Variants in CMAS observed in about 807,000 individuals in gnomAD.
CMAS encodes the protein cytidine monophosphate N-acetylneuraminic acid synthetase, also known as N-acylneuraminate cytidylyltransferase.
In CMAS, 21 loss-of-function variants were observed where a neutral mutation model predicts 53.4. The observed-to-expected ratio is 0.39, with a 90% confidence interval of 0.28 to 0.57. The LOEUF is 0.57. Among genes scored for constraint, CMAS ranks in the 20% least tolerant of loss-of-function variants. The pLI, the probability that CMAS is intolerant of heterozygous loss-of-function variation, is 0.56. For missense variants in CMAS, 384 were observed against 534.9 expected, an observed-to-expected ratio of 0.72 and a Z score of 2.78; for synonymous variants, 189 against 195.2, an observed-to-expected ratio of 0.97 and a Z score of 0.27.
At chr12:22,054,143 T>C (rs1950253879) in intron 1 of CMAS, among the ~76,000 whole-genome samples, 1 of 151,888 alleles carries the variant, frequency 6.6e-6, no homozygotes, top group African/African-American at 2.4e-5. Context: ...GCCAGGCTGG[T>C]CTCCATCTCG....
At chr12:22,048,975 G>A (rs1212890238) in intron 1 of CMAS, among the ~76,000 whole-genome samples, 1 of 152,178 alleles carries the variant, frequency 6.6e-6, no homozygotes, top group African/African-American at 2.4e-5. Flanking sequence ...TTCTGGGGCT[G>A]TGAATGCAAT....
chr12:22,046,599 C>T lies in CMAS; in HGVS notation c.260+36C>T, dbSNP rs749532125. ...GCGAGAGTGGGCGGCGCGGCCTGGG[C>T]GGGGGTCGGGAGAGGGAGTCGGGCT... On this transcript the variant is annotated intron_variant, in intron 1 of 7. Coordinates refer to ENST00000229329, the MANE Select transcript of CMAS (RefSeq NM_018686.6). 9 of 1,468,990 alleles carry T rather than the reference C, an allele frequency of 6.1e-6. 1 individual carries two copies. The East Asian group carries it at 1.6e-4, about 27-fold the overall frequency. The allele number at this position is 1,468,990 out of a possible 1,614,324, so 91.0% of individuals were successfully genotyped here. A position where few individuals can be genotyped will look rare whatever the true frequency, so the allele number is the denominator to read the frequency against.
intron 6 of CMAS, 63 bp from the exon 7 acceptor site, chr12:22,062,218 C>A: frequency 2.1e-6 from 3 of 1,428,006 alleles, no homozygotes; most frequent in Non-Finnish European, 2.8e-6. Flanking sequence ...TGAAAGATTT[C>A]TGTTTTCTTC....
chr12:22,065,211 G>A lies in CMAS; in HGVS notation c.1205G>A (p.Gly402Glu), dbSNP rs1366320382. The A allele has an allele frequency of 1.2e-6, 2 of 1,613,928 alleles. No homozygotes were observed. The highest frequency in any genetic ancestry group is 3.3e-5 in the Admixed American group (2 of 59,998). ...TGTTCTACTGCCCAGAAGGCTGTTG[G>A]ATACATTTGCAAATGTAATGGTGGC... ...DACSTAQKAVGYICKCNGGRG... is the reference protein window; with the variant it reads ...DACSTAQKAVEYICKCNGGRG... Residue 402 changes from glycine (G) to glutamate (E), a missense_variant, in exon 8 of 8, where the codon GGA (glycine) becomes GAA (glutamate). This residue lies in a region of CMAS where 134 missense variants were observed against 154.6 expected (regional missense o/e 0.87). Transcript: ENST00000229329.
At chr12:22,059,149 T>TA (rs1491113231) in intron 4 of CMAS, among the ~76,000 whole-genome samples, 15,321 of 91,314 alleles carry the variant, frequency 0.17, 798 homozygotes, top group African/African-American at 0.21. Flanking sequence ...TATATATATA[T>TA]TTTTTTTTTT....
At chr12:22,052,173 T>A (rs529891233) in intron 1 of CMAS, among the ~76,000 whole-genome samples, 3 of 152,242 alleles carry the variant, frequency 2.0e-5, no homozygotes, top group Non-Finnish European at 2.9e-5. Context: ...GCGTAGTTAC[T>A]TAATTGATCC....
rs867041879 is a variant in CMAS, at chr12:22,063,238, T to A, written c.1114+804T>A. Among the ~76,000 whole-genome samples the A allele has an allele frequency of 2.0e-5, 3 of 152,218 alleles. No homozygotes were observed. In the East Asian group the frequency reaches 5.8e-4, roughly 29 times the overall value. ...GAAAGCAGTATTTACAAGGGTAATA[T>A]GAGCCTCAAAATAAGAAGCACAGGA... is the stretch of plus-strand genomic sequence containing the variant. On this transcript the variant is annotated intron_variant, in intron 7 of 7. Coordinates refer to ENST00000229329, the MANE Select transcript of CMAS (RefSeq NM_018686.6).
chr12:22,065,386 T>C lies in CMAS; in HGVS notation c.*75T>C, dbSNP rs1426772124. ...TTGCTTTTATTTTTGATTAAGTAAA[T>C]TCCATGTTGTAATGTTACAGAGAGT... On this transcript the variant is annotated 3_prime_UTR_variant, in exon 8 of 8. Coordinates refer to ENST00000229329, the MANE Select transcript of CMAS (RefSeq NM_018686.6). 3 of 1,147,538 alleles carry C rather than the reference T, an allele frequency of 2.6e-6. No homozygotes were observed. In the African/African-American group the frequency reaches 4.6e-5, roughly 18 times the overall value. The allele number at this position is 1,147,538 out of a possible 1,614,324, so 71.1% of individuals were successfully genotyped here.
chr12:22,063,943 AT>A (rs1308296296), intron 7 of CMAS: 4 of 149,814 alleles, frequency 2.7e-5, no homozygotes, highest in East Asian at 4.0e-4. Flanking sequence ...AAAAAAAAAA[AT>A]AATAACTCAC....
rs118092581 is a variant in CMAS, at chr12:22,062,731, T to C, written c.1114+297T>C. ...TTTCCTCATCTGTAAACTGGAGATA[T>C]CGAGAGTACCTATTACCGTAGGGCT... On this transcript the variant is annotated intron_variant, in intron 7 of 7. Transcript: ENST00000229329. Among the ~76,000 whole-genome samples, 465 of 152,262 alleles carry C rather than the reference T, an allele frequency of 3.1e-3. 20 individuals are homozygous for C. In the East Asian group the frequency reaches 0.081, roughly 27 times the overall value.
chr12:22,057,962 G>GT (rs1950279472), intron 3 of CMAS, among the ~76,000 whole-genome samples: 1 of 151,242 alleles, frequency 6.6e-6, no homozygotes, highest in Non-Finnish European at 1.5e-5. Context: ...CAAGTAGCTG[G>GT]GATTACAGGT....
At position 22,055,278 on chromosome 12, in the gene CMAS, T is replaced by A. The variant is rs749797170; in HGVS notation, c.390T>A (p.Leu130=). The change falls in exon 2 of 8, where the codon CTT becomes CTA. Residue 130 remains leucine (L), a synonymous_variant. Transcript: ENST00000229329. The part of the protein sequence containing the change: ...STSLDAIIEF[L]NYHNEVDIVG... ...CACTAGATGCCATCATAGAATTTCT[T>A]AATTATCATAATGGTATGAATTTGA... 71 of 1,602,374 alleles carry A rather than the reference T, an allele frequency of 4.4e-5. No homozygotes were observed. Among genetic ancestry groups the A allele is most frequent in the Non-Finnish European group, 6.0e-5 (70 of 1,171,564 alleles).
At position 22,046,233 on chromosome 12, in the gene CMAS, G is replaced by T; in HGVS notation, c.-71G>T. 1 of 1,354,058 alleles carries T rather than the reference G, an allele frequency of 7.4e-7. No homozygotes were observed. The highest frequency in any genetic ancestry group is 9.6e-7 in the Non-Finnish European group (1 of 1,043,962). The allele number at this position is 1,354,058 out of a possible 1,614,324, so 83.9% of individuals were successfully genotyped here. On this transcript the variant is annotated 5_prime_UTR_variant, in exon 1 of 8. Transcript: ENST00000229329. ...GCCAGCTGCCAGGCGGGGATCGGGC[G>T]GCGCCGAGCTGAGGTGGTGAGGGAC...
At chr12:22,062,234 T>TTAA (rs1302625570) in intron 6 of CMAS, 47 bp from the exon 7 acceptor site, 1 of 1,523,222 alleles carries the variant, frequency 6.6e-7, no homozygotes, top group African/African-American at 1.4e-5. Flanking sequence ...TCTTCACTTT[T>TTAA]TAATTTTTCC....
Position 22,058,704 on chromosome 12 carries a change from T to TG in CMAS, c.693+5dup. 1 of 1,612,414 alleles carries TG rather than the reference T, an allele frequency of 6.2e-7. No homozygotes were observed. ...GATAGAGATGGGTTACTTGCAGGTT[T>TG]GTACCTTCATTTTGCATAACCCTTT... On this transcript the variant is annotated splice_donor_region_variant and intron_variant, in intron 4 of 7. Transcript: ENST00000229329.
chr12:22,055,707 C>A, intron 3 of CMAS, 97 bp downstream of exon 3: 1 of 1,002,184 alleles, frequency 1.0e-6, no homozygotes, highest in Non-Finnish European at 1.5e-6. Flanking sequence ...AAAAGGGGAG[C>A]TGTAAAAGAG....
At chr12:22,060,595 A>G (rs1374032444) in intron 4 of CMAS, 3 of 357,156 alleles carry the variant, frequency 8.4e-6, no homozygotes, top group South Asian at 3.4e-5. Context: ...TCAAGGTTAT[A>G]ATGAGCTATG....
chr12:22,046,496 C>A lies in CMAS; in HGVS notation c.193C>A (p.His65Asn). ...AGGCATCCCCCTGAAGAACATTAAGCACCTGGCGGGGGTCCCGCTCATTGG... is the reference window on the plus strand; with the variant it reads ...AGGCATCCCCCTGAAGAACATTAAGAACCTGGCGGGGGTCCCGCTCATTGG... ...SKGIPLKNIKHLAGVPLIGWV... is the reference protein window; with the variant it reads ...SKGIPLKNIKNLAGVPLIGWV... The change falls in exon 1 of 8, where the codon CAC becomes AAC. Residue 65 changes from histidine to asparagine, a missense_variant. By Grantham distance (68) the His-to-Asn change is moderately conservative. Transcript: ENST00000229329. The A allele has an allele frequency of 6.2e-7, 1 of 1,608,672 alleles. No homozygotes were observed.
intron 7 of CMAS, 86 bp downstream of exon 7, chr12:22,062,520 C>T (rs970574227): frequency 7.5e-7 from 1 of 1,324,534 alleles, no homozygotes; most frequent in East Asian, 2.4e-5. Flanking sequence ...AGCACATCCT[C>T]CAAATGGGTA....
Sources: gnomAD v4.1 joint callset for allele counts (sites outside exome capture counted in the v4.1 genomes callset) on GRCh38, gnomAD v4.1.1 for gene constraint, gnomAD v4.1.1 regional missense constraint, MANE v1.5 for transcripts, NCBI Gene and HGNC (gene_info 2026-07-23, HGNC 2026-07-21) for gene names.